EYA2: variants seen among roughly 807,000 people sequenced by gnomAD.
EYA2 encodes EYA transcriptional coactivator and phosphatase 2, also known as protein phosphatase EYA2.
Under a neutral mutation model 69.2 loss-of-function variants are expected in EYA2, and 31 were observed. The ratio of observed to expected loss-of-function variants is 0.45; its 90% CI spans 0.34 to 0.60. The LOEUF (loss-of-function observed/expected upper bound fraction) is 0.60. Among genes scored for constraint, EYA2 ranks in the 20% least tolerant of loss-of-function variants. EYA2 has a pLI of 0.02. For missense variants in EYA2, 622 were observed against 701.2 expected (o/e 0.89, Z 1.28); for synonymous variants, 257 against 279.4 (o/e 0.92, Z 0.80).
At chr20:47,029,265 C>T (rs901760522) in intron 5 of EYA2, among the ~76,000 whole-genome samples, 8 of 152,294 alleles carry the variant, frequency 5.3e-5, no homozygotes, top group African/African-American at 1.7e-4. Context: ...ATAATGATGG[C>T]GTGGTTTCTA....
At chr20:46,971,080 TACACACACAC>T (rs148380754) in intron 1 of EYA2, among the ~76,000 whole-genome samples, 2 of 147,176 alleles carry the variant, frequency 1.4e-5, no homozygotes, top group Middle Eastern at 3.2e-3. Flanking sequence ...ATAAAGTTGC[TACACACACAC>T]ACACACACAC....
At chr20:46,943,120 C>T (rs1170571126) in intron 1 of EYA2, among the ~76,000 whole-genome samples, 1 of 152,162 alleles carries the variant, frequency 6.6e-6, no homozygotes, top group Non-Finnish European at 1.5e-5. Flanking sequence ...AGTGACTCTG[C>T]CCCCGAGGGG....
At chr20:46,927,917 T>C (rs1985487964) in intron 1 of EYA2, among the ~76,000 whole-genome samples, 1 of 152,180 alleles carries the variant, frequency 6.6e-6, no homozygotes, top group African/African-American at 2.4e-5. Flanking sequence ...GAAGTGCACA[T>C]AGTAACCCTA....
intron 1 of EYA2, among the ~76,000 whole-genome samples, chr20:46,898,125 T>C (rs1268887428): frequency 6.6e-6 from 1 of 152,050 alleles, no homozygotes; most frequent in Non-Finnish European, 1.5e-5. Context: ...AATGATGTGG[T>C]TCCCCTTATC....
chr20:47,140,138 G>C (rs1445676879), intron 9 of EYA2, among the ~76,000 whole-genome samples: 2 of 152,158 alleles, frequency 1.3e-5, no homozygotes, highest in Admixed American at 6.5e-5. Flanking sequence ...TGCACGAATT[G>C]CTCCGTCAAA....
Position 47,091,246 on chromosome 20 carries a change from G to A in EYA2, c.804+1865G>A, listed in dbSNP as rs75330235. Among the ~76,000 whole-genome samples, 1,044 of 152,272 alleles carry A rather than the reference G, an allele frequency of 6.9e-3. 17 individuals are homozygous for A. Among genetic ancestry groups the A allele is most frequent in the African/African-American group, 0.023 (942 of 41,540 alleles). Reference sequence around the variant, plus strand: ...GATTAAATGAGAATCCAGGGGTCAAGTGGTCTCAGAAACCAGACCAGCCTC... The same window carrying A: ...GATTAAATGAGAATCCAGGGGTCAAATGGTCTCAGAAACCAGACCAGCCTC... On this transcript the variant is annotated intron_variant, in intron 8 of 15. Coordinates refer to ENST00000327619, the MANE Select transcript of EYA2 (RefSeq NM_005244.5).
At chr20:47,100,376 AG>A (rs534427825) in intron 9 of EYA2, among the ~76,000 whole-genome samples, 2 of 152,054 alleles carry the variant, frequency 1.3e-5, no homozygotes, top group Admixed American at 6.6e-5. Context: ...CTGCCCTCTT[AG>A]GGGGGGTGGA....
intron 5 of EYA2, among the ~76,000 whole-genome samples, chr20:47,047,423 G>A (rs1405454447): frequency 2.2e-5 from 3 of 138,486 alleles, no homozygotes; most frequent in South Asian, 2.4e-4. Context: ...GTCTCACTCC[G>A]TCACCCGGGT....
At chr20:47,016,376 G>T (rs1299986206) in intron 5 of EYA2, 79 bp downstream of exon 5, 14 of 1,128,894 alleles carry the variant, frequency 1.2e-5, no homozygotes, top group Non-Finnish European at 1.8e-5. Flanking sequence ...CATTCATTCA[G>T]CAGATTTTTT....
chr20:46,946,148 C>T (rs534497247), intron 1 of EYA2, among the ~76,000 whole-genome samples: 1 of 152,296 alleles, frequency 6.6e-6, no homozygotes, highest in East Asian at 1.9e-4. Flanking sequence ...TCTTCCTCCT[C>T]TGGACCTCAC....
At chr20:47,062,438 T>A (rs2030928806) in intron 5 of EYA2, among the ~76,000 whole-genome samples, 1 of 152,192 alleles carries the variant, frequency 6.6e-6, no homozygotes. Context: ...AGGCGCTGGC[T>A]CTTTTATGCA....
At chr20:47,182,634 A>AAAAAAAAAAAAAG (rs2034560475) in intron 14 of EYA2, among the ~76,000 whole-genome samples, 1 of 146,072 alleles carries the variant, frequency 6.8e-6, no homozygotes, top group Admixed American at 6.8e-5. Flanking sequence ...CGTCTAAAAA[A>AAAAAAAAAAAAAG]AAAAAAAAAA....
At chr20:46,907,835 A>AAAACAAAC (rs60032049) in intron 1 of EYA2, among the ~76,000 whole-genome samples, 18,815 of 150,378 alleles carry the variant, frequency 0.13, 1,356 homozygotes, top group Non-Finnish European at 0.17. Context: ...ACTCCATCTG[A>AAAACAAAC]AAACAAACAA....
chr20:47,139,893 A>G (rs1333623445), intron 9 of EYA2, among the ~76,000 whole-genome samples: 1 of 152,188 alleles, frequency 6.6e-6, no homozygotes, highest in African/African-American at 2.4e-5. Context: ...ATGTCTTCCC[A>G]GTATCAGTCA....
intron 5 of EYA2, among the ~76,000 whole-genome samples, chr20:47,038,739 T>C (rs1263561926): frequency 6.6e-6 from 1 of 152,166 alleles, no homozygotes; most frequent in Non-Finnish European, 1.5e-5. Flanking sequence ...AAACTGAAAC[T>C]ATATCCATTG....
chr20:47,099,265 G>A (rs895594617), intron 9 of EYA2, among the ~76,000 whole-genome samples: 1 of 152,252 alleles, frequency 6.6e-6, no homozygotes, highest in African/African-American at 2.4e-5. Context: ...GCCGCAGAGG[G>A]CAGCCTTGGT....
At chr20:46,984,759 G>A (rs1423568767) in intron 1 of EYA2, among the ~76,000 whole-genome samples, 1 of 152,188 alleles carries the variant, frequency 6.6e-6, no homozygotes, top group African/African-American at 2.4e-5. Context: ...GAATGTGTGT[G>A]TATACATATA....
At chr20:46,952,047 G>A (rs897114736) in intron 1 of EYA2, among the ~76,000 whole-genome samples, 1 of 152,222 alleles carries the variant, frequency 6.6e-6, no homozygotes. Flanking sequence ...AGTTTCTGGA[G>A]GGTAGAGACA....
chr20:46,918,614 A>C (rs1036547292), intron 1 of EYA2, among the ~76,000 whole-genome samples: 1 of 151,978 alleles, frequency 6.6e-6, no homozygotes, highest in African/African-American at 2.4e-5. Context: ...GCCTATTTCC[A>C]CCACATCCGC....
Sources: gnomAD v4.1 joint callset for allele counts (sites outside exome capture counted in the v4.1 genomes callset) on GRCh38, gnomAD v4.1.1 for gene constraint, MANE v1.5 for transcripts, NCBI Gene and HGNC (gene_info 2026-07-23, HGNC 2026-07-21) for gene names.